Variants in PPP2R3B observed in about 807,000 individuals in gnomAD.
PPP2R3B encodes serine/threonine-protein phosphatase 2A regulatory subunit B'' subunit beta.
A neutral mutation model predicts 72.9 loss-of-function variants in PPP2R3B; 68 were observed. The ratio of observed to expected loss-of-function variants is 0.93; its 90% CI spans 0.77 to 1.14. The LOEUF (loss-of-function observed/expected upper bound fraction) is 1.14. Ranked by LOEUF, PPP2R3B falls within the 50% of genes most tolerant of loss-of-function variation. The pLI is 0.00. For missense variants in PPP2R3B, 1,018 were observed against 842.0 expected (o/e 1.21, Z -2.59); for synonymous variants, 466 against 375.8 (o/e 1.24, Z -2.78).
At chrX:338,742 G>A (rs377240520) in intron 11 of PPP2R3B, 32 bp from the exon 12 acceptor site, 179 of 1,611,886 alleles carry the variant, frequency 1.1e-4, no homozygotes, top group Middle Eastern at 5.1e-4. Flanking sequence ...CGTACACGGC[G>A]TGGCGCGGCC....
chrX:346,041 A>AGGTGGGGGGGGG (rs2071199024), intron 6 of PPP2R3B, 133 bp downstream of exon 6: 3 of 465,522 alleles, frequency 6.4e-6, no homozygotes, highest in East Asian at 7.4e-5. Flanking sequence ...AGCGCGGTGG[A>AGGTGGGGGGGGG]GGTGGGGGTG....
chrX:352,014 G>T (rs977389183), intron 2 of PPP2R3B, among the ~76,000 whole-genome samples: 1 of 152,172 alleles, frequency 6.6e-6, no homozygotes, highest in Non-Finnish European at 1.5e-5. Context: ...CCCGGCGTCT[G>T]GGGGATGAGA....
chrX:340,742 G>A (rs1346101982), intron 10 of PPP2R3B, 23 bp downstream of exon 10: 3 of 1,608,626 alleles, frequency 1.9e-6, no homozygotes, highest in Non-Finnish European at 2.5e-6. Flanking sequence ...CTCACCCTGG[G>A]CCATGCCCTC....
At chrX:354,071 AAAGACC>A (rs2071389298) in intron 2 of PPP2R3B, among the ~76,000 whole-genome samples, 1 of 117,608 alleles carries the variant, frequency 8.5e-6, no homozygotes, top group African/African-American at 4.3e-5. Context: ...GGGCTCGCCC[AAAGACC>A]GGGGCTCACC....
chrX:367,136 G>A (rs1017205955), intron 1 of PPP2R3B, among the ~76,000 whole-genome samples: 1 of 152,178 alleles, frequency 6.6e-6, no homozygotes, highest in Admixed American at 6.5e-5. Context: ...AAATGCAGCA[G>A]GGAGAAGCCA....
chrX:384,213 C>G (rs1488211993), intron 1 of PPP2R3B, among the ~76,000 whole-genome samples: 1 of 151,348 alleles, frequency 6.6e-6, no homozygotes. Flanking sequence ...GGATGTTTTT[C>G]TTTTTCTCTA....
chrX:357,583 C>T (rs1390818548), intron 2 of PPP2R3B, among the ~76,000 whole-genome samples: 4 of 152,018 alleles, frequency 2.6e-5, no homozygotes, highest in Admixed American at 1.3e-4. Flanking sequence ...GATGCAGATA[C>T]GATCAAGATT....
chrX:334,623 G>A, intron 12 of PPP2R3B, 106 bp from the exon 13 acceptor site: 1 of 1,283,216 alleles, frequency 7.8e-7, no homozygotes, highest in Non-Finnish European at 1.0e-6. Flanking sequence ...GCACGAGACA[G>A]TCCCCTGAGC....
chrX:373,095 G>A (rs1235058828), intron 1 of PPP2R3B, among the ~76,000 whole-genome samples: 1 of 152,126 alleles, frequency 6.6e-6, no homozygotes, highest in Non-Finnish European at 1.5e-5. Flanking sequence ...CCCACCCGAC[G>A]CCTTTACGAA....
intron 2 of PPP2R3B, among the ~76,000 whole-genome samples, chrX:353,517 C>T (rs1226704638): frequency 6.6e-6 from 1 of 152,168 alleles, no homozygotes; most frequent in Admixed American, 6.5e-5. Context: ...AAAATAACAC[C>T]CATTCTAAAC....
chrX:386,280 C>T (rs1406853728), intron 1 of PPP2R3B, 88 bp downstream of exon 1: 1 of 1,130,090 alleles, frequency 8.8e-7, no homozygotes, highest in Non-Finnish European at 1.1e-6. Context: ...GTCTGACGCT[C>T]GCCCACCAGC....
At chrX:375,383 A>G (rs2071967676) in intron 1 of PPP2R3B, among the ~76,000 whole-genome samples, 1 of 150,978 alleles carries the variant, frequency 6.6e-6, no homozygotes, top group African/African-American at 2.4e-5. Flanking sequence ...CTCACAGGGC[A>G]GAGGTGCTGC....
intron 2 of PPP2R3B, among the ~76,000 whole-genome samples, chrX:351,097 C>T (rs1021513805): frequency 1.6e-4 from 25 of 152,216 alleles, no homozygotes; most frequent in Middle Eastern, 6.8e-3. Flanking sequence ...CTCCGGCTGG[C>T]GCACCTGTGG....
chrX:334,352 TTCTCGCGGGC>T lies in PPP2R3B; in HGVS notation c.*5_*14del. ...CGTGGGGAGCGGCCCCGCGGCGGCG[TTCTCGCGGGC>T]GGCGTCACAGCGGCTCCAGGTCCTC... On this transcript the variant is annotated 3_prime_UTR_variant, in exon 13 of 13. Transcript: ENST00000390665. 6.8e-7 allele frequency: 1 copy of T among 1,464,900 alleles called. No individual in the cohort carries two copies. Among genetic ancestry groups the T allele is most frequent in the East Asian group, 2.6e-5 (1 of 38,798 alleles). 90.7% of individuals were successfully genotyped at this position (1,464,900 alleles called of 1,614,324 possible).
intron 1 of PPP2R3B, among the ~76,000 whole-genome samples, chrX:384,282 C>A (rs34995490): frequency 0.26 from 35,900 of 139,574 alleles, 4,785 homozygotes; most frequent in South Asian, 0.36. Context: ...CTCTCTCTCT[C>A]TATATATATA....
chrX:347,658 G>A lies in PPP2R3B; in HGVS notation c.546C>T (p.Leu182=), dbSNP rs374180379. 6.4e-7 allele frequency: 1 copy of A among 1,564,592 alleles called. No homozygotes were observed. The highest frequency in any genetic ancestry group is 1.4e-5 in the African/African-American group (1 of 73,754). Residue 182 remains leucine (L), a synonymous_variant, in exon 3 of 13, where the codon CTC becomes CTT. Coordinates refer to ENST00000390665, the MANE Select transcript of PPP2R3B (RefSeq NM_013239.5). ...TGCGCTCCCCGCCGGCGCCATAGAA[G>A]AGCGGCCCCTTCCAGTAGAGGGGGC... The part of the protein sequence containing the change: ...CGCPLYWKGP[L]FYGAGGERTG...
Position 340,835 on chromosome X carries a change from C to T in PPP2R3B, c.1281G>A (p.Met427Ile). 1.2e-6 allele frequency: 2 copies of T among 1,611,690 alleles called. No homozygotes were observed. The highest frequency in any genetic ancestry group is 2.2e-5 in the East Asian group (1 of 44,820). Residue 427 changes from methionine to isoleucine, a missense_variant, in exon 10 of 13, where the codon ATG becomes ATA. Met to Ile is a conservative substitution (Grantham distance 10, BLOSUM62 1). Transcript: ENST00000390665. ...CCTGGAAGGGCAGGGCCTCGATGGCCATGCTGTCCAGCCTTCGGCACTGCT... is the reference window on the plus strand; with the variant it reads ...CCTGGAAGGGCAGGGCCTCGATGGCTATGCTGTCCAGCCTTCGGCACTGCT... ...YEEQCRRLDS[M>I]AIEALPFQDC...
intron 12 of PPP2R3B, chrX:336,776 ACAT>A (rs2070900387): frequency 6.6e-6 from 1 of 152,230 alleles, no homozygotes; most frequent in Non-Finnish European, 1.5e-5. Flanking sequence ...CAACAGGAAA[ACAT>A]CAGGAAACAC....
intron 7 of PPP2R3B, chrX:345,173 G>A: frequency 1.8e-6 from 1 of 553,530 alleles, no homozygotes. Flanking sequence ...GAGCTCCTGA[G>A]GGAAGGCGTG....
Sources: allele counts gnomAD v4.1 joint callset (sites outside exome capture counted in the v4.1 genomes callset), GRCh38; gene constraint gnomAD v4.1.1; transcripts MANE v1.5; gene names NCBI Gene and HGNC (gene_info 2026-07-23, HGNC 2026-07-21).